PCDHGA5: variants seen among roughly 807,000 people sequenced by gnomAD.
PCDHGA5 encodes the protein protocadherin gamma-A5.
PCDHGA5 carries 36 observed loss-of-function variants against 56.7 expected under a neutral mutation model. The ratio of observed to expected loss-of-function variants is 0.64; its 90% CI spans 0.49 to 0.84. The LOEUF is 0.84. Ranked by LOEUF, PCDHGA5 falls within the 40% of genes least tolerant of loss-of-function variation. The probability of loss-of-function intolerance (pLI) is 0.00; values close to 1 mark genes in which losing one functional copy is unlikely to be tolerated. For missense variants in PCDHGA5, 1,305 were observed against 1,201.5 expected (o/e 1.09, Z -1.27); for synonymous variants, 563 against 520.2 (o/e 1.08, Z -1.12).
chr5:141,460,938 A>G (rs532872249), intron 1 of PCDHGA5, among the ~76,000 whole-genome samples: 38 of 149,918 alleles, frequency 2.5e-4, no homozygotes, highest in African/African-American at 9.1e-4. Context: ...GTGTGTGTAT[A>G]TATATGTATT....
In PCDHGA5 at chr5:141,495,640, G is replaced by A. The variant is rs149177775; in HGVS notation, c.2480+775G>A. 1.2e-3 allele frequency among the ~76,000 whole-genome samples: 177 copies of A among 152,150 alleles called. 1 individual carries two copies. The highest frequency in any genetic ancestry group is 4.1e-3 in the African/African-American group (171 of 41,498). ...ACCTCAGCCTCAGTCCCTTTCATTT[G>A]TCTACTTGCATTGATCTGTGCCGCC... On this transcript the variant is annotated intron_variant, in intron 2 of 3. Transcript: ENST00000518069.
At chr5:141,461,738 C>A (rs2099021378) in intron 1 of PCDHGA5, among the ~76,000 whole-genome samples, 1 of 150,904 alleles carries the variant, frequency 6.6e-6, no homozygotes. Flanking sequence ...TGGCACAATC[C>A]CGGCTCCCAG....
In PCDHGA5 at chr5:141,414,189, G is replaced by C. The variant is rs1674006167; in HGVS notation, c.2421+47438G>C. ...CATATCTTGCAACTGCAAAAGTGTT[G>C]ATTACAGTAGAAGATGTAAATGACA... On this transcript the variant is annotated intron_variant, in intron 1 of 3. Transcript: ENST00000518069. 3.1e-6 allele frequency: 5 copies of C among 1,609,966 alleles called. No homozygotes were observed. The highest frequency in any genetic ancestry group is 3.4e-6 in the Non-Finnish European group (4 of 1,177,924).
chr5:141,490,488 C>A lies in PCDHGA5; in HGVS notation c.2422-4319C>A, dbSNP rs142637733. 6.2e-7 allele frequency: 1 copy of A among 1,614,018 alleles called. No homozygotes were observed. Among genetic ancestry groups the A allele is most frequent in the African/African-American group, 1.3e-5 (1 of 74,904 alleles). ...CCAGCCAGCCTTTGGACCGGGAGGC[C>A]ACATCCCACTATATCATCGAGCTGC... On this transcript the variant is annotated intron_variant, in intron 1 of 3. Coordinates refer to ENST00000518069, the MANE Select transcript of PCDHGA5 (RefSeq NM_018918.3). The surrounding 1 kb of genome is among the most constrained non-coding windows in gnomAD (Gnocchi z 5.4).
intron 1 of PCDHGA5, among the ~76,000 whole-genome samples, chr5:141,368,127 A>T (rs1013357793): frequency 1.3e-5 from 2 of 152,200 alleles, no homozygotes; most frequent in Non-Finnish European, 2.9e-5. Context: ...AATATTCTTA[A>T]TCCTTCAAAT....
intron 1 of PCDHGA5, among the ~76,000 whole-genome samples, chr5:141,401,668 A>G (rs2094180828): frequency 6.6e-6 from 1 of 152,254 alleles, no homozygotes; most frequent in Non-Finnish European, 1.5e-5. Flanking sequence ...TTTTCTCAAC[A>G]TCCTTGTAGG....
In PCDHGA5 at chr5:141,490,794, C is replaced by G. The variant is rs763933771; in HGVS notation, c.2422-4013C>G. The G allele has an allele frequency of 5.0e-6, 8 of 1,613,976 alleles. No individual in the cohort carries two copies. In the South Asian group the frequency reaches 7.7e-5, roughly 16 times the overall value. ...ACCCAGAGGATGGACGGATCTTTGCCCAGCGTACCTTTGACTATGAATTGC... is the reference window on the plus strand; with the variant it reads ...ACCCAGAGGATGGACGGATCTTTGCGCAGCGTACCTTTGACTATGAATTGC... On this transcript the variant is annotated intron_variant, in intron 1 of 3. Transcript: ENST00000518069. The surrounding 1 kb of genome is among the most constrained non-coding windows in gnomAD (Gnocchi z 5.4).
intron 1 of PCDHGA5, chr5:141,389,522 G>T (rs983186726): frequency 5.0e-6 from 8 of 1,613,060 alleles, no homozygotes; most frequent in Middle Eastern, 3.3e-4. Flanking sequence ...ACGTGAGCCT[G>T]CGCGTGTTAG....
rs1562063782 is a variant in PCDHGA5, at chr5:141,477,676, A to G, written c.2422-17131A>G. ...TAAATCGTGACAATGGCATAGTGTC[A>G]TCCTTAGTGCCCCTAGACTATGAGG... On this transcript the variant is annotated intron_variant, in intron 1 of 3. Coordinates refer to ENST00000518069, the MANE Select transcript of PCDHGA5 (RefSeq NM_018918.3). This position sits in a 1 kb window ranked among gnomAD's most constrained non-coding sequence, Gnocchi z 4.9. The G allele has an allele frequency of 1.2e-6, 2 of 1,614,194 alleles. No homozygotes were observed. The highest frequency in any genetic ancestry group is 1.7e-6 in the Non-Finnish European group (2 of 1,180,046).
chr5:141,484,866 C>A (rs1474623432), intron 1 of PCDHGA5: 9 of 275,500 alleles, frequency 3.3e-5, no homozygotes, highest in Non-Finnish European at 5.5e-5. Context: ...GGTGGGGGAG[C>A]GTGGAGGATA....
At chr5:141,412,300 A>T (rs1422841541) in intron 1 of PCDHGA5, 2 of 152,248 alleles carry the variant, frequency 1.3e-5, no homozygotes, top group Non-Finnish European at 2.9e-5. Context: ...TTCTTTTCTC[A>T]TTACAATGCA....
intron 1 of PCDHGA5, chr5:141,430,838 G>C (rs866767896): frequency 1.3e-6 from 2 of 1,563,026 alleles, no homozygotes; most frequent in Middle Eastern, 1.7e-4. Context: ...GTGGGAGACC[G>C]GATGCACCCA....
chr5:141,383,072 AG>A lies in PCDHGA5; in HGVS notation c.2421+16322del, dbSNP rs747790551. ...AAGGACCTGGGGCTGGAGCCCCGGG[AG>A]CTGGCGGAGCGCGGAGTCCGCATCA... On this transcript the variant is annotated intron_variant, in intron 1 of 3. Transcript: ENST00000518069. The A allele has an allele frequency of 4.3e-6, 7 of 1,613,710 alleles. No homozygotes were observed. In the African/African-American group the frequency reaches 6.7e-5, roughly 15 times the overall value.
chr5:141,422,928 C>T lies in PCDHGA5; in HGVS notation c.2421+56177C>T, dbSNP rs781145334. 4 of 1,614,128 alleles carry T rather than the reference C, an allele frequency of 2.5e-6. No individual in the cohort carries two copies. In the African/African-American group the frequency reaches 4.0e-5, roughly 16 times the overall value. On this transcript the variant is annotated intron_variant, in intron 1 of 3. Transcript: ENST00000518069. ...ATGCGCCCGAGATCCTGTACCCTGC[C>T]CTCCCCACAGACGGCTCCACTGGCG...
chr5:141,389,645 C>A, intron 1 of PCDHGA5: 1 of 1,612,912 alleles, frequency 6.2e-7, no homozygotes, highest in Non-Finnish European at 8.5e-7. Context: ...ACTTGGTGAC[C>A]AAGGTAGTGG....
chr5:141,414,568 A>G (rs1349020199), intron 1 of PCDHGA5: 2 of 1,613,914 alleles, frequency 1.2e-6, no homozygotes, highest in South Asian at 1.1e-5. Context: ...CTTTACCTAT[A>G]TCCCAGAGAA....
In PCDHGA5 at chr5:141,431,318, G is replaced by T. The variant is rs1309389474; in HGVS notation, c.2422-63489G>T. The T allele has an allele frequency of 6.2e-7, 1 of 1,614,086 alleles. No individual in the cohort carries two copies. Among genetic ancestry groups the T allele is most frequent in the African/African-American group, 1.3e-5 (1 of 75,050 alleles). ...CTCCCTCATCGTGCAAAATGGAGCCGACGGTAGTAAGTACCCCGAATTGGT... is the reference window on the plus strand; with the variant it reads ...CTCCCTCATCGTGCAAAATGGAGCCTACGGTAGTAAGTACCCCGAATTGGT... On this transcript the variant is annotated intron_variant, in intron 1 of 3. Coordinates refer to ENST00000518069, the MANE Select transcript of PCDHGA5 (RefSeq NM_018918.3). The surrounding 1 kb of genome is among the most constrained non-coding windows in gnomAD (Gnocchi z 4.8).
intron 1 of PCDHGA5, among the ~76,000 whole-genome samples, chr5:141,464,630 T>C (rs981288560): frequency 1.3e-5 from 2 of 152,176 alleles, no homozygotes; most frequent in African/African-American, 4.8e-5. Context: ...AGCTTTTTAA[T>C]TGTTGCCAAC....
intron 1 of PCDHGA5, chr5:141,367,540 A>G (rs965275207): frequency 2.6e-4 from 27 of 102,848 alleles, no homozygotes; most frequent in African/African-American, 1.6e-3. Context: ...CCGTCTCAAA[A>G]TAAATAAATA....
Sources: allele counts gnomAD v4.1 joint callset (sites outside exome capture counted in the v4.1 genomes callset), GRCh38; gene constraint gnomAD v4.1.1; non-coding constraint Gnocchi (gnomAD v3.1); transcripts MANE v1.5; gene names NCBI Gene and HGNC (gene_info 2026-07-23, HGNC 2026-07-21).